The following IQCM variants were observed in gnomAD, a reference collection of about 807,000 sequenced individuals.
IQCM encodes IQ motif containing M.
IQCM carries 45 observed loss-of-function variants against 57.6 expected under a neutral mutation model. The ratio of observed to expected loss-of-function variants is 0.78; its 90% confidence interval spans 0.62 to 1.00. The LOEUF (loss-of-function observed/expected upper bound fraction) is 1.00. IQCM is among the 50% of genes least tolerant of loss of function. The pLI is 0.00. For missense variants in IQCM, 468 were observed against 511.6 expected, an observed-to-expected ratio of 0.91 and a Z score of 0.82; for synonymous variants, 148 against 158.9, an observed-to-expected ratio of 0.93 and a Z score of 0.51.
intron 3 of IQCM, among the ~76,000 whole-genome samples, chr4:149,738,458 T>C (rs2149900203): frequency 6.6e-6 from 1 of 152,298 alleles, no homozygotes; most frequent in Admixed American, 6.5e-5. Flanking sequence ...TCTTTGTTGA[T>C]TAGTCCCTGA....
chr4:149,372,202 T>C (rs1730413514), intron 13 of IQCM, among the ~76,000 whole-genome samples: 1 of 152,188 alleles, frequency 6.6e-6, no homozygotes. Context: ...CATTTTCAGA[T>C]AAATATATTT....
At chr4:149,488,356 C>T (rs1205871602) in intron 12 of IQCM, among the ~76,000 whole-genome samples, 1 of 151,958 alleles carries the variant, frequency 6.6e-6, no homozygotes, top group African/African-American at 2.4e-5. Flanking sequence ...TAAAATGAGC[C>T]AACTATTTCA....
rs540439912 is a variant in IQCM at position 149,698,402 on chromosome 4, T to A, written c.386-11934A>T. Among the ~76,000 whole-genome samples, 4 of 152,172 alleles carry A rather than the reference T, an allele frequency of 2.6e-5. No homozygotes were observed. The South Asian group carries it at 8.3e-4, about 32-fold the overall frequency. ...GCATATATTAGGCACCCAATAAATG[T>A]TTGCTGAATAAATGAATGAAACTCA... On this transcript the variant is annotated intron_variant, in intron 5 of 13. Transcript: ENST00000636793.
At chr4:149,779,265 A>T (rs78557140) in intron 2 of IQCM, among the ~76,000 whole-genome samples, 1 of 152,304 alleles carries the variant, frequency 6.6e-6, no homozygotes, top group Non-Finnish European at 1.5e-5. Flanking sequence ...TACAGACAAG[A>T]TTATTCTAAA....
chr4:149,738,154 C>T (rs79564207), intron 3 of IQCM, among the ~76,000 whole-genome samples: 4 of 152,118 alleles, frequency 2.6e-5, no homozygotes, highest in Middle Eastern at 3.2e-3. Context: ...AGCAGTGCTG[C>T]GGCTCTGCAC....
At chr4:149,707,438 C>G (rs985479768) in intron 5 of IQCM, among the ~76,000 whole-genome samples, 1 of 151,932 alleles carries the variant, frequency 6.6e-6, no homozygotes, top group Non-Finnish European at 1.5e-5. Context: ...CCGGAGCATC[C>G]CTGAAATCAT....
chr4:149,523,635 C>T (rs1046313222), intron 12 of IQCM, among the ~76,000 whole-genome samples: 1 of 152,072 alleles, frequency 6.6e-6, no homozygotes, highest in East Asian at 1.9e-4. Flanking sequence ...GAGCAATAAT[C>T]ATTCACTGGA....
At chr4:149,698,250 C>T (rs1298642366) in intron 5 of IQCM, among the ~76,000 whole-genome samples, 1 of 152,008 alleles carries the variant, frequency 6.6e-6, no homozygotes, top group Non-Finnish European at 1.5e-5. Context: ...AAAAAGGAAA[C>T]ATCATTTCCA....
chr4:149,806,776 A>G (rs545376409), intron 2 of IQCM, among the ~76,000 whole-genome samples: 1 of 152,100 alleles, frequency 6.6e-6, no homozygotes, highest in South Asian at 2.1e-4. Flanking sequence ...AAAAATCTAT[A>G]CATGTATCAC....
intron 8 of IQCM, among the ~76,000 whole-genome samples, chr4:149,615,410 A>G (rs187390732): frequency 1.3e-5 from 2 of 152,340 alleles, no homozygotes; most frequent in African/African-American, 4.8e-5. Context: ...CATAAAAAGT[A>G]ATACTAGAAA....
At chr4:149,759,877 GAAGA>G (rs1769334324) in intron 2 of IQCM, among the ~76,000 whole-genome samples, 1 of 151,912 alleles carries the variant, frequency 6.6e-6, no homozygotes, top group Non-Finnish European at 1.5e-5. Flanking sequence ...AAAGAAAATA[GAAGA>G]AAGAAATTTA....
intron 2 of IQCM, among the ~76,000 whole-genome samples, chr4:149,809,793 T>C (rs1462517161): frequency 6.6e-6 from 1 of 152,200 alleles, no homozygotes; most frequent in Non-Finnish European, 1.5e-5. Context: ...CCATTTCATA[T>C]TCTGATAATT....
intron 8 of IQCM, among the ~76,000 whole-genome samples, chr4:149,589,705 T>C (rs1728744138): frequency 6.6e-6 from 1 of 151,984 alleles, no homozygotes; most frequent in Non-Finnish European, 1.5e-5. Context: ...TCTCAATATT[T>C]GTTACATTTA....
At chr4:149,778,738 A>G (rs1301457005) in intron 2 of IQCM, among the ~76,000 whole-genome samples, 1 of 152,174 alleles carries the variant, frequency 6.6e-6, no homozygotes, top group African/African-American at 2.4e-5. Context: ...ACAAATATGA[A>G]AACAAATGAA....
At chr4:149,663,815 G>T (rs1364128037) in intron 7 of IQCM, among the ~76,000 whole-genome samples, 1 of 151,972 alleles carries the variant, frequency 6.6e-6, no homozygotes, top group Non-Finnish European at 1.5e-5. Flanking sequence ...GAAGATTTTT[G>T]CAGGTTGAAT....
At chr4:149,554,078 C>T (rs1325630218) in intron 10 of IQCM, among the ~76,000 whole-genome samples, 1 of 151,972 alleles carries the variant, frequency 6.6e-6, no homozygotes, top group African/African-American at 2.4e-5. Context: ...TTCTTGACTT[C>T]TTAAAGGCTT....
At chr4:149,760,093 G>A (rs1157815800) in intron 2 of IQCM, among the ~76,000 whole-genome samples, 1 of 151,980 alleles carries the variant, frequency 6.6e-6, no homozygotes, top group Admixed American at 6.6e-5. Context: ...AAGATGATGG[G>A]GAGAGAAGTC....
chr4:149,811,707 T>C (rs1774583540), intron 2 of IQCM, among the ~76,000 whole-genome samples: 2 of 152,206 alleles, frequency 1.3e-5, no homozygotes, highest in Admixed American at 6.5e-5. Context: ...GCTTGCCTTA[T>C]ACTGAACAAT....
rs1017095758 is a variant in IQCM at position 149,355,368 on chromosome 4, T to C, written c.1391-3302A>G. 2.0e-5 allele frequency among the ~76,000 whole-genome samples: 3 copies of C among 151,438 alleles called. No homozygotes were observed. In the East Asian group the frequency reaches 5.9e-4, roughly 30 times the overall value. On this transcript the variant is annotated intron_variant, in intron 13 of 13. Transcript: ENST00000636793. The stretch of plus-strand genomic sequence containing the variant: ...TTAACTCATCATTTAGCATTAGGTA[T>C]ATCTCCTAATGCTATCCCTTCCCCC...
Sources: gnomAD v4.1 joint callset for allele counts (sites outside exome capture counted in the v4.1 genomes callset) on GRCh38, gnomAD v4.1.1 for gene constraint, MANE v1.5 for transcripts, NCBI Gene and HGNC (gene_info 2026-07-23, HGNC 2026-07-21) for gene names.